The following SPIDR variants were observed in gnomAD, a reference collection of about 807,000 sequenced individuals.
The protein encoded by SPIDR is scaffold protein involved in DNA repair.
In SPIDR, 93 loss-of-function variants were observed where a neutral mutation model predicts 104.6. The observed-to-expected ratio is 0.89, with a 90% CI of 0.75 to 1.06. The LOEUF is 1.06. SPIDR is among the 50% of genes least tolerant of loss of function. SPIDR has a pLI of 0.00. For missense variants in SPIDR, 1,154 were observed against 1,111.2 expected (o/e 1.04, Z -0.55); for synonymous variants, 431 against 416.9 (o/e 1.03, Z -0.41).
At chr8:47,630,950 C>T (rs1028864512) in intron 10 of SPIDR, among the ~76,000 whole-genome samples, 1 of 152,132 alleles carries the variant, frequency 6.6e-6, no homozygotes, top group Non-Finnish European at 1.5e-5. Flanking sequence ...AATCCCAGGC[C>T]TTCTTAAAGG....
chr8:47,535,463 C>T (rs918613608), intron 8 of SPIDR, among the ~76,000 whole-genome samples: 3 of 152,040 alleles, frequency 2.0e-5, no homozygotes, highest in African/African-American at 7.2e-5. Flanking sequence ...GAAAGGGAAA[C>T]TTAAGGATCA....
intron 6 of SPIDR, among the ~76,000 whole-genome samples, chr8:47,397,946 T>G (rs1303779020): frequency 6.6e-6 from 1 of 151,798 alleles, no homozygotes; most frequent in Non-Finnish European, 1.5e-5. Flanking sequence ...GGAAGGAAGG[T>G]GGAGAGGAGA....
chr8:47,463,601 A>C (rs1052998401), intron 8 of SPIDR, among the ~76,000 whole-genome samples: 1 of 152,212 alleles, frequency 6.6e-6, no homozygotes, highest in Admixed American at 6.5e-5. Context: ...TCCCTGATGA[A>C]TATTGATGAA....
intron 8 of SPIDR, among the ~76,000 whole-genome samples, chr8:47,468,868 C>G (rs915793909): frequency 2.0e-5 from 3 of 152,034 alleles, no homozygotes; most frequent in Non-Finnish European, 4.4e-5. Flanking sequence ...AGCCTCTGCA[C>G]GGCAAAAGAA....
intron 11 of SPIDR, among the ~76,000 whole-genome samples, chr8:47,675,332 G>A (rs535309447): frequency 1.3e-5 from 2 of 151,964 alleles, no homozygotes; most frequent in African/African-American, 2.4e-5. Flanking sequence ...TACCACGCCC[G>A]GCCAGCTATG....
intron 8 of SPIDR, among the ~76,000 whole-genome samples, chr8:47,551,703 G>A (rs760633399): frequency 4.0e-5 from 6 of 151,610 alleles, no homozygotes; most frequent in South Asian, 2.1e-4. Flanking sequence ...CAATTTTGTC[G>A]ATCATTTCAA....
At chr8:47,499,691 G>C (rs1328161918) in intron 8 of SPIDR, among the ~76,000 whole-genome samples, 2 of 151,972 alleles carry the variant, frequency 1.3e-5, no homozygotes, top group East Asian at 1.9e-4. Flanking sequence ...ACAACGTGCA[G>C]GTTAGTTACA....
At chr8:47,302,168 T>A (rs1369469111) in intron 5 of SPIDR, among the ~76,000 whole-genome samples, 11 of 149,396 alleles carry the variant, frequency 7.4e-5, no homozygotes, top group Admixed American at 6.7e-4. Flanking sequence ...TTCTCTAAAC[T>A]TCTCTTCTCA....
chr8:47,420,402 T>C lies in SPIDR; in HGVS notation c.877+12441T>C, dbSNP rs556113925. 9.9e-4 allele frequency among the ~76,000 whole-genome samples: 150 copies of C among 152,250 alleles called. 1 individual carries two copies. The highest frequency in any genetic ancestry group is 3.6e-3 in the African/African-American group (148 of 41,554). On this transcript the variant is annotated intron_variant, in intron 7 of 19. Coordinates refer to ENST00000297423, the MANE Select transcript of SPIDR (RefSeq NM_001080394.4). ...CTTTGTCTCTTTTGATCTTTGTTGG[T>C]TTAAAGTCTGTTTTATCAGAGACTA...
At chr8:47,725,084 T>G (rs1318700775) in intron 16 of SPIDR, among the ~76,000 whole-genome samples, 1 of 152,186 alleles carries the variant, frequency 6.6e-6, no homozygotes, top group Non-Finnish European at 1.5e-5. Context: ...CCTGACTTCT[T>G]TCCATCAGGA....
At chr8:47,702,054 C>CTCTA (rs2080274306) in intron 14 of SPIDR, 39 bp downstream of exon 14, 1 of 470,304 alleles carries the variant, frequency 2.1e-6, no homozygotes, top group African/African-American at 6.5e-5. Context: ...CTCAGCCTTT[C>CTCTA]TCTCTCTCTC....
intron 10 of SPIDR, among the ~76,000 whole-genome samples, chr8:47,666,715 A>G (rs1242725669): frequency 6.6e-6 from 1 of 152,212 alleles, no homozygotes; most frequent in Non-Finnish European, 1.5e-5. Context: ...CACATACACT[A>G]TGAAAAAAAT....
At chr8:47,667,498 G>C (rs932628363) in intron 10 of SPIDR, among the ~76,000 whole-genome samples, 2 of 146,652 alleles carry the variant, frequency 1.4e-5, no homozygotes, top group African/African-American at 5.0e-5. Flanking sequence ...TGTAGTCCTA[G>C]CTACTCAGGA....
intron 14 of SPIDR, among the ~76,000 whole-genome samples, chr8:47,708,257 C>T (rs1456502426): frequency 1.3e-5 from 2 of 152,222 alleles, no homozygotes; most frequent in Non-Finnish European, 2.9e-5. Context: ...CGAAATTGTG[C>T]CACTACACTC....
intron 8 of SPIDR, among the ~76,000 whole-genome samples, chr8:47,576,123 G>A (rs1168160660): frequency 6.6e-6 from 1 of 150,896 alleles, no homozygotes; most frequent in African/African-American, 2.4e-5. Flanking sequence ...TTTTTGACAA[G>A]GTCTTTTTTA....
In SPIDR at chr8:47,589,913, A is replaced by T. The variant is rs1350795486; in HGVS notation, c.1098-5898A>T. On this transcript the variant is annotated intron_variant, in intron 8 of 19. Transcript: ENST00000297423. ...CTGGGTACGGTGACTCACCCCTGTA[A>T]TCCCAGCACTTTGAGAGGCTGGGGT... Among the ~76,000 whole-genome samples, 3 of 151,948 alleles carry T rather than the reference A, an allele frequency of 2.0e-5. No homozygotes were observed. The East Asian group carries it at 5.8e-4, about 29-fold the overall frequency.
intron 6 of SPIDR, among the ~76,000 whole-genome samples, chr8:47,401,497 A>G (rs2061883302): frequency 6.6e-6 from 1 of 152,258 alleles, no homozygotes; most frequent in Non-Finnish European, 1.5e-5. Context: ...AACCTTAAAT[A>G]TAAATGGGCC....
At chr8:47,489,731 G>T (rs544271455) in intron 8 of SPIDR, among the ~76,000 whole-genome samples, 4 of 152,126 alleles carry the variant, frequency 2.6e-5, no homozygotes, top group Non-Finnish European at 5.9e-5. Context: ...TGGCAAACCT[G>T]ACAAAAACAA....
At chr8:47,516,808 T>C (rs1489634497) in intron 8 of SPIDR, among the ~76,000 whole-genome samples, 2 of 152,172 alleles carry the variant, frequency 1.3e-5, no homozygotes, top group Non-Finnish European at 2.9e-5. Context: ...AGGAGTGGAA[T>C]TGCTGGATTT....
Sources: gnomAD v4.1 joint callset for allele counts (sites outside exome capture counted in the v4.1 genomes callset) on GRCh38, gnomAD v4.1.1 for gene constraint, MANE v1.5 for transcripts, NCBI Gene and HGNC (gene_info 2026-07-23, HGNC 2026-07-21) for gene names.